Variants in ZFYVE1 observed in about 807,000 individuals in gnomAD.
ZFYVE1 encodes the protein zinc finger FYVE-type containing 1, also known as zinc finger FYVE domain-containing protein 1.
In ZFYVE1, 30 loss-of-function variants were observed where a neutral mutation model predicts 74.4. The ratio of observed to expected loss-of-function variants is 0.40; its 90% CI spans 0.30 to 0.55. The LOEUF (loss-of-function observed/expected upper bound fraction) is 0.55, where lower values mean the gene tolerates loss of function less well. Ranked by LOEUF, ZFYVE1 falls within the 20% of genes least tolerant of loss-of-function variation. ZFYVE1 has a pLI of 0.42. For synonymous variants in ZFYVE1, 335 were observed against 385.1 expected, an observed-to-expected ratio of 0.87 and a Z score of 1.52; for missense variants, 703 against 1,011.6, an observed-to-expected ratio of 0.69 and a Z score of 4.14.
intron 3 of ZFYVE1, among the ~76,000 whole-genome samples, chr14:72,993,945 G>A (rs1309428941): frequency 6.6e-6 from 1 of 150,876 alleles, no homozygotes; most frequent in South Asian, 2.1e-4. Context: ...AACCTGGGAA[G>A]TGGAGGTTGC....
chr14:72,970,076 T>G lies in ZFYVE1; in HGVS notation c.*806A>C. The G allele has an allele frequency of 3.2e-6, 1 of 312,922 alleles. No individual in the cohort carries two copies. Among genetic ancestry groups the G allele is most frequent in the Non-Finnish European group, 5.9e-6 (1 of 169,024 alleles). 19.4% of individuals were successfully genotyped at this position (312,922 alleles called of 1,614,324 possible). ...GATTGAGGAGCTGGGTGCCGCCTTT[T>G]GGGAAAGCCGAGTGGAGACAGAAGC... is the stretch of plus-strand genomic sequence containing the variant. On this transcript the variant is annotated 3_prime_UTR_variant, in exon 12 of 12. Transcript: ENST00000556143.
intron 2 of ZFYVE1, among the ~76,000 whole-genome samples, chr14:73,021,363 A>AAATG (rs1894315807): frequency 1.3e-5 from 1 of 78,306 alleles, no homozygotes; most frequent in East Asian, 4.8e-4. Flanking sequence ...AAAAATAAAT[A>AAATG]AATAAATAAA....
intron 2 of ZFYVE1, among the ~76,000 whole-genome samples, chr14:73,004,677 C>T (rs1016588751): frequency 6.6e-6 from 1 of 152,022 alleles, no homozygotes; most frequent in South Asian, 2.1e-4. Context: ...AATCCCTTAA[C>T]GTGCACCGAC....
At chr14:72,973,901 T>TA (rs1893097268) in intron 11 of ZFYVE1, among the ~76,000 whole-genome samples, 179 bp downstream of exon 11, 1 of 152,130 alleles carries the variant, frequency 6.6e-6, no homozygotes, top group African/African-American at 2.4e-5. Context: ...CTTCCAGCAA[T>TA]AAACATGAAA....
At chr14:72,997,467 G>T (rs1893774450) in intron 3 of ZFYVE1, among the ~76,000 whole-genome samples, 1 of 152,082 alleles carries the variant, frequency 6.6e-6, no homozygotes, top group South Asian at 2.1e-4. Flanking sequence ...CAGGTAGCTA[G>T]AATTACAGGC....
chr14:72,970,682 T>G lies in ZFYVE1; in HGVS notation c.*200A>C. 1.6e-6 allele frequency: 1 copy of G among 609,108 alleles called. No individual in the cohort carries two copies. Among genetic ancestry groups the G allele is most frequent in the East Asian group, 2.8e-5 (1 of 36,038 alleles). 37.7% of individuals were successfully genotyped at this position (609,108 alleles called of 1,614,324 possible). A position where few individuals can be genotyped will look rare whatever the true frequency, so the allele number is the denominator to read the frequency against. ...CAGGTTCATTCCCCTTTGCGATAAG[T>G]TGCAAGGTCCCCTGCCCTGAGGGGT... On this transcript the variant is annotated 3_prime_UTR_variant, in exon 12 of 12. Transcript: ENST00000556143.
chr14:73,010,626 C>A (rs1207640146), intron 2 of ZFYVE1, among the ~76,000 whole-genome samples: 1 of 151,030 alleles, frequency 6.6e-6, no homozygotes, highest in Non-Finnish European at 1.5e-5. Context: ...AAAAATTAGC[C>A]AGGCATGGTG....
At chr14:73,018,040 C>T (rs1000007796) in intron 2 of ZFYVE1, among the ~76,000 whole-genome samples, 1 of 152,206 alleles carries the variant, frequency 6.6e-6, no homozygotes, top group African/African-American at 2.4e-5. Context: ...TTCTTTCTAG[C>T]CTCGAACATG....
chr14:73,019,204 T>C (rs1022679849), intron 2 of ZFYVE1, among the ~76,000 whole-genome samples: 5 of 152,110 alleles, frequency 3.3e-5, no homozygotes, highest in Admixed American at 1.3e-4. Context: ...ACTCAAATCA[T>C]ACACAAAAAT....
chr14:73,006,331 T>C (rs1445695517), intron 2 of ZFYVE1, among the ~76,000 whole-genome samples: 1 of 151,916 alleles, frequency 6.6e-6, no homozygotes, highest in East Asian at 2.0e-4. Flanking sequence ...TCCCAGCACT[T>C]TGGGAGGCCT....
At chr14:72,979,558 G>A (rs1006402291) in intron 5 of ZFYVE1, among the ~76,000 whole-genome samples, 3 of 151,948 alleles carry the variant, frequency 2.0e-5, no homozygotes, top group African/African-American at 7.3e-5. Flanking sequence ...GGAGGCTGAG[G>A]CAGGAGAATC....
At chr14:72,977,582 A>G (rs1049003336) in intron 8 of ZFYVE1, among the ~76,000 whole-genome samples, 1 of 151,612 alleles carries the variant, frequency 6.6e-6, no homozygotes, top group Non-Finnish European at 1.5e-5. Flanking sequence ...CATTGTGAGG[A>G]AAAAAAGCAG....
intron 2 of ZFYVE1, among the ~76,000 whole-genome samples, chr14:73,019,221 A>G (rs1446071420): frequency 4.6e-5 from 7 of 152,196 alleles, no homozygotes; most frequent in African/African-American, 2.4e-5. Context: ...AAATCTTAGG[A>G]GACTCTAGGC....
chr14:73,015,433 A>G (rs936491031), intron 2 of ZFYVE1, among the ~76,000 whole-genome samples: 7 of 147,648 alleles, frequency 4.7e-5, no homozygotes, highest in East Asian at 4.1e-4. Flanking sequence ...AGGAAGGAAG[A>G]AAGAAAGAAA....
At chr14:72,982,751 A>G (rs1334634606) in intron 4 of ZFYVE1, among the ~76,000 whole-genome samples, 1 of 152,250 alleles carries the variant, frequency 6.6e-6, no homozygotes, top group Non-Finnish European at 1.5e-5. Context: ...TAACAAAAGG[A>G]CAATATGTTA....
chr14:72,988,013 C>T (rs1893521913), intron 4 of ZFYVE1, among the ~76,000 whole-genome samples: 1 of 152,152 alleles, frequency 6.6e-6, no homozygotes, highest in Admixed American at 6.5e-5. Context: ...TATGTGCATG[C>T]ATGTGTGCAC....
intron 4 of ZFYVE1, among the ~76,000 whole-genome samples, chr14:72,984,740 C>G (rs558384293): frequency 6.6e-6 from 1 of 152,294 alleles, no homozygotes; most frequent in Admixed American, 6.5e-5. Context: ...CCTCTCCAAC[C>G]ACATCACTCT....
chr14:72,971,536 C>CG (rs1893035598), intron 11 of ZFYVE1, among the ~76,000 whole-genome samples: 1 of 152,088 alleles, frequency 6.6e-6, no homozygotes, highest in African/African-American at 2.4e-5. Context: ...CCATGTTGTC[C>CG]GGGCTGGTCT....
chr14:72,997,873 G>T lies in ZFYVE1; in HGVS notation c.926C>A (p.Ser309Tyr). Residue 309 changes from serine (S) to tyrosine (Y), a missense_variant, in exon 3 of 12, where the codon TCC becomes TAC. Physicochemically the swap from Ser to Tyr is moderately radical, Grantham distance 144 (BLOSUM62 -2). This residue lies in a region of ZFYVE1 where 492 missense variants were observed against 790.0 expected (regional missense o/e 0.62). Coordinates refer to ENST00000556143, the MANE Select transcript of ZFYVE1 (RefSeq NM_021260.4). ...GATGATAACTGCAGGGCCCAGTGTG[G>T]ATAAAGGGACATCCAGGCCACAGCG... ...TARCGLDVPL[S>Y]TLGPAVIIFH... 1 of 1,613,732 alleles carries T rather than the reference G, an allele frequency of 6.2e-7. No individual in the cohort carries two copies. The highest frequency in any genetic ancestry group is 1.1e-5 in the South Asian group (1 of 91,068).
Sources: gnomAD v4.1 joint callset for allele counts (sites outside exome capture counted in the v4.1 genomes callset) on GRCh38, gnomAD v4.1.1 for gene constraint, gnomAD v4.1.1 regional missense constraint, MANE v1.5 for transcripts, NCBI Gene and HGNC (gene_info 2026-07-23, HGNC 2026-07-21) for gene names.